GNAI1: variants seen among roughly 807,000 people sequenced by gnomAD.
GNAI1 encodes guanine nucleotide-binding protein G(i) subunit alpha-1.
A neutral mutation model predicts 38.9 loss-of-function variants in GNAI1; 11 were observed. The ratio of observed to expected loss-of-function variants is 0.28; its 90% CI spans 0.18 to 0.47. The LOEUF (loss-of-function observed/expected upper bound fraction) is 0.47, where lower values mean the gene tolerates loss of function less well. Ranked by LOEUF, GNAI1 falls within the 20% of genes least tolerant of loss-of-function variation. The probability of loss-of-function intolerance (pLI) is 0.99; values close to 1 mark genes in which losing one functional copy is unlikely to be tolerated. For missense variants in GNAI1, 317 were observed against 436.9 expected (o/e 0.73, Z 2.45); for synonymous variants, 166 against 145.1 (o/e 1.14, Z -1.04).
In GNAI1 at chr7:80,176,868, C is replaced by T. The variant is rs1241205936; in HGVS notation, c.119-12083C>T. On this transcript the variant is annotated intron_variant, in intron 1 of 7. Coordinates refer to ENST00000649796, the MANE Select transcript of GNAI1 (RefSeq NM_002069.6). ...AGGAGAATCTCTTGAACCCAGGAGG[C>T]TGAGGCTGCAGTGAGCTGAGATCAC... Among the ~76,000 whole-genome samples, 9 of 144,228 alleles carry T rather than the reference C, an allele frequency of 6.2e-5. No homozygotes were observed. In the Admixed American group the frequency reaches 6.4e-4, roughly 10 times the overall value. 94.6% of individuals were successfully genotyped at this position (144,228 alleles called of 152,430 possible). A position where few individuals can be genotyped will look rare whatever the true frequency, so the allele number is the denominator to read the frequency against.
At chr7:80,160,615 C>A (rs576026740) in intron 1 of GNAI1, among the ~76,000 whole-genome samples, 1 of 152,112 alleles carries the variant, frequency 6.6e-6, no homozygotes, top group African/African-American at 2.4e-5. Context: ...ACTTGCAAAT[C>A]AAATTCTTCA....
At chr7:80,192,819 C>T (rs1788506075) in intron 3 of GNAI1, among the ~76,000 whole-genome samples, 3 of 152,074 alleles carry the variant, frequency 2.0e-5, no homozygotes, top group Non-Finnish European at 4.4e-5. Context: ...CTCAGCCTCC[C>T]GAGTAGCTAG....
Position 80,140,722 on chromosome 7 carries a change from A to T in GNAI1, c.118+5444A>T, listed in dbSNP as rs184069433. Among the ~76,000 whole-genome samples the T allele has an allele frequency of 3.3e-5, 5 of 152,342 alleles. No homozygotes were observed. The East Asian group carries it at 9.6e-4, about 29-fold the overall frequency. On this transcript the variant is annotated intron_variant, in intron 1 of 7. Coordinates refer to ENST00000649796, the MANE Select transcript of GNAI1 (RefSeq NM_002069.6). ...GTGCCAATTAAAAGCCGTAACGGAAATAGGGCAAAAAATTTTTTTTAATGA... is the reference window on the plus strand; with the variant it reads ...GTGCCAATTAAAAGCCGTAACGGAATTAGGGCAAAAAATTTTTTTTAATGA...
chr7:80,160,237 T>C (rs1396162112), intron 1 of GNAI1, among the ~76,000 whole-genome samples: 1 of 151,870 alleles, frequency 6.6e-6, no homozygotes, highest in Non-Finnish European at 1.5e-5. Flanking sequence ...GTCAGAAGAC[T>C]GTAGGTAACA....
At chr7:80,200,389 A>C (rs1433162804) in intron 4 of GNAI1, among the ~76,000 whole-genome samples, 3 of 147,186 alleles carry the variant, frequency 2.0e-5, no homozygotes, top group Admixed American at 1.3e-4. Context: ...CCATAGAACA[A>C]CACCAAAACA....
chr7:80,211,314 C>A (rs112367215), intron 6 of GNAI1, among the ~76,000 whole-genome samples: 387 of 152,204 alleles, frequency 2.5e-3, no homozygotes, highest in Non-Finnish European at 4.5e-3. Context: ...GTAAGCTTAA[C>A]TATGCATTTC....
intron 3 of GNAI1, among the ~76,000 whole-genome samples, chr7:80,190,160 A>G (rs1788457020): frequency 6.6e-6 from 1 of 152,036 alleles, no homozygotes; most frequent in Non-Finnish European, 1.5e-5. Flanking sequence ...TATTTTTTAA[A>G]CATGTAGGCT....
intron 1 of GNAI1, among the ~76,000 whole-genome samples, chr7:80,149,254 A>T: frequency 6.6e-6 from 1 of 152,132 alleles, no homozygotes; most frequent in East Asian, 1.9e-4. Context: ...AATTTGTTTA[A>T]TCACACTAAT....
At chr7:80,181,644 C>T (rs1376485591) in intron 1 of GNAI1, among the ~76,000 whole-genome samples, 2 of 152,136 alleles carry the variant, frequency 1.3e-5, no homozygotes, top group African/African-American at 4.8e-5. Context: ...TTTGTCCTGC[C>T]TTTCTAGGGT....
chr7:80,168,480 T>C (rs1480258242), intron 1 of GNAI1, among the ~76,000 whole-genome samples: 13 of 152,248 alleles, frequency 8.5e-5, no homozygotes, highest in Middle Eastern at 6.8e-3. Context: ...CTCCGCCTCC[T>C]GGGTTCACAC....
intron 1 of GNAI1, among the ~76,000 whole-genome samples, chr7:80,182,804 GACAA>G (rs1345664887): frequency 1.3e-5 from 2 of 152,170 alleles, no homozygotes; most frequent in Non-Finnish European, 2.9e-5. Flanking sequence ...ATGTTCACGT[GACAA>G]ACAGTAAGTC....
intron 1 of GNAI1, among the ~76,000 whole-genome samples, chr7:80,159,782 A>G (rs1318299177): frequency 6.6e-6 from 1 of 152,110 alleles, no homozygotes; most frequent in African/African-American, 2.4e-5. Flanking sequence ...TTTAGTTTGA[A>G]TCTCAGCTTC....
chr7:80,150,257 T>G (rs982204046), intron 1 of GNAI1, among the ~76,000 whole-genome samples: 1 of 152,006 alleles, frequency 6.6e-6, no homozygotes, highest in Admixed American at 6.6e-5. Context: ...TAGCAAAATT[T>G]CAAAAGAACT....
intron 7 of GNAI1, among the ~76,000 whole-genome samples, chr7:80,213,891 T>G (rs563815182): frequency 6.6e-6 from 1 of 152,246 alleles, no homozygotes; most frequent in Non-Finnish European, 1.5e-5. Context: ...AAACAGAATT[T>G]TCCTCAGTCT....
chr7:80,203,242 G>A (rs991759881), intron 4 of GNAI1, among the ~76,000 whole-genome samples: 12 of 152,074 alleles, frequency 7.9e-5, no homozygotes, highest in African/African-American at 2.4e-4. Context: ...GAAACATCTC[G>A]TTCAGCCTTT....
In GNAI1 at chr7:80,135,344, G is replaced by C; in HGVS notation, c.118+66G>C. On this transcript the variant is annotated intron_variant, in intron 1 of 7. Coordinates refer to ENST00000649796, the MANE Select transcript of GNAI1 (RefSeq NM_002069.6). ...CCGGGTGCGGCGCTGCGCGGCCCTCGGCGTTTGGAAACCCGGAGGGAAGGG... is the reference window on the plus strand; with the variant it reads ...CCGGGTGCGGCGCTGCGCGGCCCTCCGCGTTTGGAAACCCGGAGGGAAGGG... 3 of 989,532 alleles carry C rather than the reference G, an allele frequency of 3.0e-6. 1 individual carries two copies. The South Asian group carries it at 7.6e-5, about 25-fold the overall frequency. The allele number at this position is 989,532 out of a possible 1,614,324, so 61.3% of individuals were successfully genotyped here.
chr7:80,195,869 G>C (rs531177734), intron 3 of GNAI1, among the ~76,000 whole-genome samples: 293 of 151,890 alleles, frequency 1.9e-3, no homozygotes, highest in Middle Eastern at 3.4e-3. Context: ...CTCTAGTTGA[G>C]ATGAACTCTG....
chr7:80,138,952 A>T (rs1185170294), intron 1 of GNAI1, among the ~76,000 whole-genome samples: 1 of 151,280 alleles, frequency 6.6e-6, no homozygotes, highest in East Asian at 2.0e-4. Flanking sequence ...ATTAATCTTC[A>T]CTCCTTTTGA....
Position 80,134,886 on chromosome 7 carries a change from C to T in GNAI1, c.-275C>T, listed in dbSNP as rs889319678. On this transcript the variant is annotated 5_prime_UTR_variant, in exon 1 of 8. Transcript: ENST00000649796. ...GCGGCCACCGGCGGGAGTGCAGCGG[C>T]CACTGTACCCAGAGATTCAAAACCC... is the stretch of plus-strand genomic sequence containing the variant. The T allele has an allele frequency of 3.1e-5, 9 of 290,216 alleles. No homozygotes were observed. Among genetic ancestry groups the T allele is most frequent in the African/African-American group, 1.8e-4 (8 of 45,528 alleles). The allele number at this position is 290,216 out of a possible 1,614,324, so 18.0% of individuals were successfully genotyped here.
Sources: gnomAD v4.1 joint callset for allele counts (sites outside exome capture counted in the v4.1 genomes callset) on GRCh38, gnomAD v4.1.1 for gene constraint, MANE v1.5 for transcripts, NCBI Gene and HGNC (gene_info 2026-07-23, HGNC 2026-07-21) for gene names.